MYRFL: variants seen among roughly 807,000 people sequenced by gnomAD.
MYRFL encodes the protein myelin regulatory factor like.
Under a neutral mutation model 109.4 loss-of-function variants are expected in MYRFL, and 88 were observed. The ratio of observed to expected loss-of-function variants is 0.80; its 90% CI spans 0.68 to 0.96. The LOEUF (loss-of-function observed/expected upper bound fraction) is 0.96, where lower values mean the gene tolerates loss of function less well. Ranked by LOEUF, MYRFL falls within the 40% of genes least tolerant of loss-of-function variation. The pLI, the probability that MYRFL is intolerant of heterozygous loss-of-function variation, is 0.00. For missense variants in MYRFL, 957 were observed against 954.9 expected, an observed-to-expected ratio of 1.00 and a Z score of -0.03; for synonymous variants, 324 against 320.9, an observed-to-expected ratio of 1.01 and a Z score of -0.10.
intron 1 of MYRFL, among the ~76,000 whole-genome samples, chr12:69,834,632 C>T (rs1882828277): frequency 6.6e-6 from 1 of 152,154 alleles, no homozygotes; most frequent in African/African-American, 2.4e-5. Context: ...AACCAAATTG[C>T]TTGTTTTATT....
intron 1 of MYRFL, among the ~76,000 whole-genome samples, chr12:69,841,334 C>T (rs1457770161): frequency 6.6e-6 from 1 of 152,142 alleles, no homozygotes; most frequent in East Asian, 1.9e-4. Context: ...CAGTCAGTCA[C>T]AAAATTCAAT....
chr12:69,945,227 T>TTTA (rs1955797369), intron 19 of MYRFL, among the ~76,000 whole-genome samples: 1 of 152,174 alleles, frequency 6.6e-6, no homozygotes, highest in Admixed American at 6.5e-5. Flanking sequence ...ATATATGGTG[T>TTTA]TTATAAAGTT....
chr12:69,921,719 T>C (rs1592836002), intron 13 of MYRFL, among the ~76,000 whole-genome samples: 1 of 152,350 alleles, frequency 6.6e-6, no homozygotes, highest in East Asian at 1.9e-4. Context: ...GGAAAATATA[T>C]GAATTATCTC....
intron 2 of MYRFL, among the ~76,000 whole-genome samples, chr12:69,863,829 A>G (rs1884845528): frequency 6.6e-6 from 1 of 152,172 alleles, no homozygotes; most frequent in Non-Finnish European, 1.5e-5. Context: ...CATTTAGAGC[A>G]GATTTGTTGG....
At chr12:69,938,150 C>A (rs980040973) in intron 19 of MYRFL, among the ~76,000 whole-genome samples, 1 of 152,048 alleles carries the variant, frequency 6.6e-6, no homozygotes, top group Non-Finnish European at 1.5e-5. Flanking sequence ...TCATTTCAGT[C>A]ATCTTATTCT....
In MYRFL at chr12:69,880,406, C is replaced by G. The variant is rs1252132268; in HGVS notation, c.556+114C>G. ...CAAAAGTTTCCCTCTCACAGAAGAG[C>G]AATGATAAGCTCTGGTAGTTTGGTT... On this transcript the variant is annotated intron_variant, in intron 5 of 24. Transcript: ENST00000552032. 4 of 599,488 alleles carry G rather than the reference C, an allele frequency of 6.7e-6. No homozygotes were observed. The Admixed American group carries it at 8.3e-5, about 12-fold the overall frequency. 37.1% of individuals were successfully genotyped at this position (599,488 alleles called of 1,614,324 possible).
intron 1 of MYRFL, among the ~76,000 whole-genome samples, chr12:69,849,363 T>C (rs1002520482): frequency 6.6e-6 from 1 of 152,248 alleles, no homozygotes; most frequent in African/African-American, 2.4e-5. Flanking sequence ...TTCTTGATGA[T>C]AAATTTTTCT....
chr12:69,895,375 G>C lies in MYRFL; in HGVS notation c.985G>C (p.Asp329His), dbSNP rs1276350258. 3 of 1,507,194 alleles carry C rather than the reference G, an allele frequency of 2.0e-6. No individual in the cohort carries two copies. Among genetic ancestry groups the C allele is most frequent in the Non-Finnish European group, 2.7e-6 (3 of 1,125,122 alleles). 93.4% of individuals were successfully genotyped at this position (1,507,194 alleles called of 1,614,324 possible). The change falls in exon 9 of 25, where the codon GAC (aspartate) becomes CAC (histidine). Residue 329 changes from aspartate to histidine, a missense_variant. By Grantham distance (81) the Asp-to-His change is moderately conservative. Transcript: ENST00000552032. The stretch of plus-strand genomic sequence containing the variant: ...TTTTTTTGCTGTTTGTTTTAGAATT[G>C]ACCTACTGGCTGACCAGGTCACCAA... ...SKKIFNPVKI[D>H]LLADQVTKVT...
intron 19 of MYRFL, 94 bp from the exon 20 acceptor site, chr12:69,952,019 C>A: frequency 2.0e-6 from 2 of 977,654 alleles, no homozygotes; most frequent in East Asian, 2.6e-5. Context: ...GGTGGGGGAA[C>A]ACTCAACTCA....
chr12:69,840,039 A>G (rs907893002), intron 1 of MYRFL, among the ~76,000 whole-genome samples: 2 of 152,198 alleles, frequency 1.3e-5, no homozygotes, highest in Non-Finnish European at 1.5e-5. Context: ...TTTGTCATCT[A>G]TTCATTCATA....
At chr12:69,897,268 T>C (rs1161642950) in intron 10 of MYRFL, 22 bp downstream of exon 10, 2 of 1,505,614 alleles carry the variant, frequency 1.3e-6, no homozygotes, top group Admixed American at 2.0e-5. Context: ...TCTCTGACTT[T>C]TCTGGATCTC....
chr12:69,859,977 A>T (rs1884538878), intron 2 of MYRFL, among the ~76,000 whole-genome samples: 1 of 151,862 alleles, frequency 6.6e-6, no homozygotes, highest in Non-Finnish European at 1.5e-5. Flanking sequence ...CATATGCAGG[A>T]TGTACAGACT....
intron 19 of MYRFL, among the ~76,000 whole-genome samples, chr12:69,951,692 T>C (rs528446279): frequency 1.3e-5 from 2 of 151,890 alleles, no homozygotes; most frequent in South Asian, 4.2e-4. Context: ...CCTCCCAGAG[T>C]GCTGGGATTA....
chr12:69,881,430 G>C (rs1410692268), intron 5 of MYRFL, among the ~76,000 whole-genome samples: 1 of 152,236 alleles, frequency 6.6e-6, no homozygotes, highest in East Asian at 1.9e-4. Flanking sequence ...CCAGATTCTA[G>C]AGGTTTACAC....
intron 2 of MYRFL, among the ~76,000 whole-genome samples, chr12:69,857,037 T>C (rs1267971946): frequency 6.7e-6 from 1 of 150,148 alleles, no homozygotes; most frequent in Non-Finnish European, 1.5e-5. Context: ...TCCATTTTGA[T>C]TTTTTTTTGT....
intron 7 of MYRFL, among the ~76,000 whole-genome samples, chr12:69,891,505 A>G (rs1019520992): frequency 2.6e-5 from 4 of 152,190 alleles, no homozygotes; most frequent in African/African-American, 7.2e-5. Context: ...TCTTCACACC[A>G]TGGTGGCTGG....
At chr12:69,838,650 G>A (rs1011931280) in intron 1 of MYRFL, among the ~76,000 whole-genome samples, 4 of 152,058 alleles carry the variant, frequency 2.6e-5, no homozygotes, top group African/African-American at 7.2e-5. Context: ...GTGTGTTGTC[G>A]AAGAAAAAAT....
chr12:69,958,565 A>ATACTC lies in MYRFL; in HGVS notation c.*35_*39dup. The ATACTC allele has an allele frequency of 7.2e-7, 1 of 1,387,694 alleles. No homozygotes were observed. Among genetic ancestry groups the ATACTC allele is most frequent in the East Asian group, 2.5e-5 (1 of 40,222 alleles). 86.0% of individuals were successfully genotyped at this position (1,387,694 alleles called of 1,614,324 possible). A position where few individuals can be genotyped will look rare whatever the true frequency, so the allele number is the denominator to read the frequency against. ...AGTTTGGGGACTTTACCAAAGAAAA[A>ATACTC]TACTCAGGAATACATTTAACAGAAA... On this transcript the variant is annotated 3_prime_UTR_variant, in exon 25 of 25. Coordinates refer to ENST00000552032, the MANE Select transcript of MYRFL (RefSeq NM_182530.3).
Position 69,886,945 on chromosome 12 carries a change from T to A in MYRFL, c.682T>A (p.Leu228Ile). Residue 228 changes from leucine to isoleucine, a missense_variant, in exon 6 of 25, where the codon TTA (leucine) becomes ATA (isoleucine). By Grantham distance (5) the Leu-to-Ile change is conservative. Transcript: ENST00000552032. ...ATGCCATAGTGTTCCTTGGCACAGC[T>A]TATTAAACAGTCATTATGAAAAACT... ...QPCHSVPWHSLLNSHYEKLPD... is the reference protein window; with the variant it reads ...QPCHSVPWHSILNSHYEKLPD... 6.5e-7 allele frequency: 1 copy of A among 1,535,822 alleles called. No homozygotes were observed. The highest frequency in any genetic ancestry group is 8.7e-7 in the Non-Finnish European group (1 of 1,146,696).
Sources: gnomAD v4.1 joint callset for allele counts (sites outside exome capture counted in the v4.1 genomes callset) on GRCh38, gnomAD v4.1.1 for gene constraint, MANE v1.5 for transcripts, NCBI Gene and HGNC (gene_info 2026-07-23, HGNC 2026-07-21) for gene names.